Variants in FBXO11 observed in about 807,000 individuals in gnomAD.
FBXO11 encodes F-box only protein 11.
FBXO11 carries 13 observed loss-of-function variants against 117.0 expected under a neutral mutation model. That is an observed-to-expected ratio of 0.11 (90% CI 0.07 to 0.18). The LOEUF is 0.18. Ranked by LOEUF, FBXO11 falls within the 10% of genes least tolerant of loss-of-function variation. The pLI, the probability that FBXO11 is intolerant of heterozygous loss-of-function variation, is 1.00. For missense variants in FBXO11, 767 were observed against 1,164.4 expected (o/e 0.66, Z 4.97); for synonymous variants, 490 against 380.5 (o/e 1.29, Z -3.35).
chr2:47,807,905 A>G lies in FBXO11; in HGVS notation c.*213T>C, dbSNP rs1204188299. On this transcript the variant is annotated 3_prime_UTR_variant, in exon 23 of 23. Transcript: ENST00000403359. The stretch of plus-strand genomic sequence containing the variant: ...CTTCTGTCCCTTCAAGTCTTTACAC[A>G]GTAATGCTAAAACACCCAGCTTTGA... 1.0e-5 allele frequency: 5 copies of G among 494,690 alleles called. No individual in the cohort carries two copies. Among genetic ancestry groups the G allele is most frequent in the East Asian group, 9.9e-5 (3 of 30,376 alleles). 30.6% of individuals were successfully genotyped at this position (494,690 alleles called of 1,614,324 possible).
chr2:47,839,741 T>C lies in FBXO11; in HGVS notation c.261A>G (p.Ala87=). The change falls in exon 2 of 23, where the codon GCA becomes GCG. Residue 87 remains alanine, a synonymous_variant. Coordinates refer to ENST00000403359, the MANE Select transcript of FBXO11 (RefSeq NM_001190274.2). ...RDDDVPADMV[A]EESGPGAQNS... ...TTTGTGCACCAGGACCTGATTCTTC[T>C]GCAACCATATCTGCAGGCACATCAT... 1 of 1,613,890 alleles carries C rather than the reference T, an allele frequency of 6.2e-7. No individual in the cohort carries two copies. The highest frequency in any genetic ancestry group is 1.7e-5 in the Admixed American group (1 of 59,970).
intron 1 of FBXO11, among the ~76,000 whole-genome samples, chr2:47,869,963 C>T (rs1403272912): frequency 1.3e-5 from 2 of 152,158 alleles, no homozygotes; most frequent in African/African-American, 4.8e-5. Flanking sequence ...AGGAGTGAGC[C>T]ACCAAGCCTG....
intron 1 of FBXO11, among the ~76,000 whole-genome samples, chr2:47,882,309 T>C (rs987551896): frequency 6.6e-6 from 1 of 152,218 alleles, no homozygotes; most frequent in African/African-American, 2.4e-5. Flanking sequence ...CAGATTTCAA[T>C]GTCTTATAAA....
chr2:47,841,405 C>A (rs1673001155), intron 1 of FBXO11, among the ~76,000 whole-genome samples: 1 of 152,018 alleles, frequency 6.6e-6, no homozygotes, highest in African/African-American at 2.4e-5. Context: ...CAGATTTAAC[C>A]AATGAGTACC....
At chr2:47,874,172 C>A (rs1438818829) in intron 1 of FBXO11, among the ~76,000 whole-genome samples, 1 of 152,054 alleles carries the variant, frequency 6.6e-6, no homozygotes, top group Non-Finnish European at 1.5e-5. Context: ...AGAGATTGCA[C>A]CACTGCACTC....
At chr2:47,896,400 G>C (rs1407144658) in intron 1 of FBXO11, among the ~76,000 whole-genome samples, 1 of 151,248 alleles carries the variant, frequency 6.6e-6, no homozygotes, top group African/African-American at 2.4e-5. Context: ...CTCAATCACA[G>C]TTCACTCTAG....
intron 11 of FBXO11, among the ~76,000 whole-genome samples, chr2:47,823,765 A>T (rs1307064700): frequency 6.6e-6 from 1 of 151,972 alleles, no homozygotes; most frequent in Admixed American, 6.6e-5. Context: ...AAAAAAATTA[A>T]AAAAAAAGTT....
Position 47,818,952 on chromosome 2 carries a change from C to G in FBXO11, c.1920+4G>C. Reference sequence around the variant, plus strand: ...TCCCATCCAAGAGTCCAGGCTAATCCTACCTGCTTGCCACTGTGTATCCGG... The same window carrying G: ...TCCCATCCAAGAGTCCAGGCTAATCGTACCTGCTTGCCACTGTGTATCCGG... On this transcript the variant is annotated splice_donor_region_variant and intron_variant, in intron 15 of 22. Coordinates refer to ENST00000403359, the MANE Select transcript of FBXO11 (RefSeq NM_001190274.2). 1 of 1,612,888 alleles carries G rather than the reference C, an allele frequency of 6.2e-7. No homozygotes were observed. The highest frequency in any genetic ancestry group is 1.1e-5 in the South Asian group (1 of 90,714).
rs761845231 is a variant in FBXO11 at position 47,809,138 on chromosome 2, CAA to C, written c.2555+18_2555+19del. The C allele has an allele frequency of 2.8e-6, 4 of 1,428,584 alleles. No individual in the cohort carries two copies. Among genetic ancestry groups the C allele is most frequent in the East Asian group, 4.6e-5 (2 of 43,366 alleles). 88.5% of individuals were successfully genotyped at this position (1,428,584 alleles called of 1,614,324 possible). On this transcript the variant is annotated intron_variant, in intron 21 of 22. Coordinates refer to ENST00000403359, the MANE Select transcript of FBXO11 (RefSeq NM_001190274.2). ...AATCAGTCTTCCTCTTTTCAGGACT[CAA>C]ATATATTTCTAAGTTACCTGTAGAA...
chr2:47,883,643 G>A (rs773115178), intron 1 of FBXO11: 1 of 306,538 alleles, frequency 3.3e-6, no homozygotes, highest in Non-Finnish European at 6.6e-6. Flanking sequence ...ACATTCAAAA[G>A]GAGTCTACTC....
chr2:47,863,112 CACAAA>C (rs770914237), intron 1 of FBXO11, among the ~76,000 whole-genome samples: 1 of 148,810 alleles, frequency 6.7e-6, no homozygotes, highest in Non-Finnish European at 1.5e-5. Flanking sequence ...ACCATACACA[CACAAA>C]ACAAAACGAA....
At position 47,839,008 on chromosome 2, in the gene FBXO11, A is replaced by G; in HGVS notation, c.443-5T>C. ...GATACTGTTCAGCAGGTGCTGCTAT[A>G]AAGAGATTAACATATAAACTATCAT... is the stretch of plus-strand genomic sequence containing the variant. On this transcript the variant is annotated splice_polypyrimidine_tract_variant and splice_region_variant and intron_variant, in intron 3 of 22. Transcript: ENST00000403359. 1.9e-6 allele frequency: 3 copies of G among 1,609,896 alleles called. No homozygotes were observed. The highest frequency in any genetic ancestry group is 8.5e-7 in the Non-Finnish European group (1 of 1,178,198).
chr2:47,864,544 A>AC (rs1675050693), intron 1 of FBXO11, among the ~76,000 whole-genome samples: 1 of 152,186 alleles, frequency 6.6e-6, no homozygotes. Context: ...CCAAGATCTC[A>AC]CCACTGCACT....
At position 47,834,592 on chromosome 2, in the gene FBXO11, G is replaced by C; in HGVS notation, c.921C>G (p.Thr307=). The part of the protein sequence containing the change: ...DEWIYIESPI[T]MIGAAPGKVA... ...ATTTCAAAATACCTGCACCAATCAT[G>C]GTGATTGGAGATTCAATATATATCC... is the stretch of plus-strand genomic sequence containing the variant. The change falls in exon 7 of 23, where the codon ACC becomes ACG. Residue 307 remains threonine, a synonymous_variant. Transcript: ENST00000403359. The C allele has an allele frequency of 6.3e-7, 1 of 1,575,578 alleles. No individual in the cohort carries two copies. The highest frequency in any genetic ancestry group is 1.2e-5 in the South Asian group (1 of 83,734).
At chr2:47,839,557 A>C in intron 2 of FBXO11, 57 bp from the exon 3 acceptor site, 1 of 1,603,164 alleles carries the variant, frequency 6.2e-7, no homozygotes, top group Non-Finnish European at 8.5e-7. Context: ...CATAATCATT[A>C]CTTCTAAAAA....
At chr2:47,901,916 C>T (rs1208341380) in intron 1 of FBXO11, among the ~76,000 whole-genome samples, 1 of 152,086 alleles carries the variant, frequency 6.6e-6, no homozygotes, top group African/African-American at 2.4e-5. Context: ...ACTATATTAC[C>T]GAATTGTCAC....
chr2:47,865,087 A>T (rs1572869471), intron 1 of FBXO11, among the ~76,000 whole-genome samples: 1 of 152,244 alleles, frequency 6.6e-6, no homozygotes, highest in African/African-American at 2.4e-5. Flanking sequence ...TTAATTGTAG[A>T]TATACATGAA....
intron 12 of FBXO11, 28 bp downstream of exon 12, chr2:47,823,115 A>G (rs1671509786): frequency 6.6e-7 from 1 of 1,513,276 alleles, no homozygotes; most frequent in Non-Finnish European, 9.0e-7. Context: ...TGAAAAAGTA[A>G]TTTTCACCCA....
At chr2:47,853,548 C>CA (rs903700703) in intron 1 of FBXO11, among the ~76,000 whole-genome samples, 38 of 151,566 alleles carry the variant, frequency 2.5e-4, no homozygotes, top group African/African-American at 8.5e-4. Context: ...GATACAAGCT[C>CA]AAAAAAAACT....
Sources: gnomAD v4.1 joint callset for allele counts (sites outside exome capture counted in the v4.1 genomes callset) on GRCh38, gnomAD v4.1.1 for gene constraint, MANE v1.5 for transcripts, NCBI Gene and HGNC (gene_info 2026-07-23, HGNC 2026-07-21) for gene names.